Variants in IKZF1 observed in about 807,000 individuals in gnomAD.
IKZF1 encodes the protein IKAROS family zinc finger 1.
IKZF1 carries 10 observed loss-of-function variants against 51.7 expected under a neutral mutation model. The ratio of observed to expected loss-of-function variants is 0.19; its 90% CI spans 0.12 to 0.33. The LOEUF (loss-of-function observed/expected upper bound fraction) is 0.33, where lower values mean the gene tolerates loss of function less well. Ranked by LOEUF, IKZF1 falls within the 10% of genes least tolerant of loss-of-function variation. The probability of loss-of-function intolerance (pLI) is 1.00; values close to 1 mark genes in which losing one functional copy is unlikely to be tolerated. For missense variants in IKZF1, 484 were observed against 707.5 expected (o/e 0.68, Z 3.58); for synonymous variants, 280 against 282.3 (o/e 0.99, Z 0.08).
At chr7:50,358,287 C>G (rs1804112804) in intron 3 of IKZF1, among the ~76,000 whole-genome samples, 2 of 152,186 alleles carry the variant, frequency 1.3e-5, no homozygotes, top group African/African-American at 4.8e-5. Context: ...TCCTAAGAAA[C>G]AGCTGATATC....
intron 7 of IKZF1, among the ~76,000 whole-genome samples, chr7:50,392,464 A>C (rs901082303): frequency 6.6e-6 from 1 of 152,116 alleles, no homozygotes; most frequent in Non-Finnish European, 1.5e-5. Flanking sequence ...AGACACACCA[A>C]CACCACCATC....
chr7:50,327,799 A>G (rs1217744396), intron 3 of IKZF1, 42 bp downstream of exon 3: 2 of 1,539,852 alleles, frequency 1.3e-6, no homozygotes, highest in East Asian at 4.8e-5. Context: ...TGAAACCTTT[A>G]TCTCTTTGTA....
intron 6 of IKZF1, 44 bp downstream of exon 6, chr7:50,387,514 C>A (rs889357774): frequency 2.5e-6 from 4 of 1,570,046 alleles, no homozygotes; most frequent in South Asian, 1.2e-5. Context: ...GCTCTCCCCC[C>A]AGCACGGTGG....
At chr7:50,346,489 C>T (rs1800395618) in intron 3 of IKZF1, among the ~76,000 whole-genome samples, 1 of 152,226 alleles carries the variant, frequency 6.6e-6, no homozygotes, top group Non-Finnish European at 1.5e-5. Flanking sequence ...AGCCCGTTCT[C>T]CTGGCTAAAG....
Position 50,400,636 on chromosome 7 carries a change from C to T in IKZF1, c.*9C>T, listed in dbSNP as rs72645704. ...GCTTCCACATGAGCTAAAGCCCTCCCGCGCCCCCACCCCAGACCCCGAGCC... is the reference window on the plus strand; with the variant it reads ...GCTTCCACATGAGCTAAAGCCCTCCTGCGCCCCCACCCCAGACCCCGAGCC... On this transcript the variant is annotated 3_prime_UTR_variant, in exon 8 of 8. Transcript: ENST00000331340. This position sits in a 1 kb window ranked among gnomAD's most constrained non-coding sequence, Gnocchi z 5.4. 78,738 of 1,600,194 alleles carry T rather than the reference C, an allele frequency of 0.049. 2,305 individuals carry two copies. Among genetic ancestry groups the T allele is most frequent in the East Asian group, 0.15 (6,570 of 44,594 alleles).
chr7:50,359,598 T>C (rs927287559), intron 3 of IKZF1, among the ~76,000 whole-genome samples: 6 of 152,252 alleles, frequency 3.9e-5, no homozygotes, highest in African/African-American at 1.4e-4. Context: ...TTTTTAAATA[T>C]ATGTGTAGAA....
intron 3 of IKZF1, among the ~76,000 whole-genome samples, chr7:50,355,619 G>GAATAAATAAATAAATAAATA (rs57903869): frequency 1.0e-4 from 15 of 147,404 alleles, no homozygotes; most frequent in South Asian, 2.1e-4. Flanking sequence ...GTTAGCTTGC[G>GAATAAATAAATAAATAAATA]AATAAATAAA....
chr7:50,397,050 A>C (rs188486578), intron 7 of IKZF1, among the ~76,000 whole-genome samples: 2 of 152,324 alleles, frequency 1.3e-5, no homozygotes, highest in East Asian at 3.9e-4. Flanking sequence ...AAAGATACCT[A>C]TCTGAATCAT....
chr7:50,329,156 T>C (rs138441177), intron 3 of IKZF1, among the ~76,000 whole-genome samples: 14,863 of 151,118 alleles, frequency 0.098, 750 homozygotes, highest in Admixed American at 0.11. Context: ...GGACTAGGTA[T>C]AATGGTTCTT....
At chr7:50,353,487 C>G (rs1293131574) in intron 3 of IKZF1, among the ~76,000 whole-genome samples, 1 of 152,214 alleles carries the variant, frequency 6.6e-6, no homozygotes, top group Non-Finnish European at 1.5e-5. Flanking sequence ...TTGCCCTCCT[C>G]CCTCTATCCT....
intron 3 of IKZF1, among the ~76,000 whole-genome samples, chr7:50,341,932 G>A (rs1799164567): frequency 6.6e-6 from 1 of 151,496 alleles, no homozygotes; most frequent in South Asian, 2.1e-4. Flanking sequence ...GGACAGGCAG[G>A]CAGATCTTGA....
In IKZF1 at chr7:50,382,706, C is replaced by G. The variant is rs372403425; in HGVS notation, c.588C>G (p.Ser196=). The G allele has an allele frequency of 6.2e-7, 1 of 1,605,382 alleles. No individual in the cohort carries two copies. Among genetic ancestry groups the G allele is most frequent in the Non-Finnish European group, 8.5e-7 (1 of 1,179,084 alleles). ...DALTGHLRTH[S]VGKPHKCGYC... is the part of the protein sequence containing the mutation. ...TCACTGGCCACCTGAGGACGCACTC[C>G]GGTAGGTCCCCTGGATGCAGTCCGG... Residue 196 remains serine, a splice_region_variant and synonymous_variant, in exon 5 of 8, where the codon TCC becomes TCG. Coordinates refer to ENST00000331340, the MANE Select transcript of IKZF1 (RefSeq NM_006060.6).
chr7:50,323,027 G>GAT (rs2153372540), intron 2 of IKZF1, among the ~76,000 whole-genome samples: 1 of 152,242 alleles, frequency 6.6e-6, no homozygotes, highest in South Asian at 2.1e-4. Context: ...GAAACCTTTA[G>GAT]ATATATATAA....
At chr7:50,375,442 C>G (rs377607679) in intron 3 of IKZF1, among the ~76,000 whole-genome samples, 5 of 152,268 alleles carry the variant, frequency 3.3e-5, no homozygotes, top group African/African-American at 1.2e-4. Context: ...AATTTACCTA[C>G]TTACTCTTAT....
intron 7 of IKZF1, among the ~76,000 whole-genome samples, chr7:50,396,274 T>C (rs1816683669): frequency 6.6e-6 from 1 of 152,300 alleles, no homozygotes; most frequent in Admixed American, 6.5e-5. Context: ...TTACATTTAC[T>C]CACTGTTCTC....
chr7:50,314,199 C>T (rs1238910902), intron 1 of IKZF1, among the ~76,000 whole-genome samples: 1 of 152,184 alleles, frequency 6.6e-6, no homozygotes, highest in African/African-American at 2.4e-5. Context: ...CAAGCTCCAC[C>T]TTCCGGGTTC....
intron 2 of IKZF1, among the ~76,000 whole-genome samples, chr7:50,320,480 A>AT (rs1792903796): frequency 6.6e-6 from 1 of 152,198 alleles, no homozygotes; most frequent in South Asian, 2.1e-4. Flanking sequence ...ACTATATATT[A>AT]TTGTTGACTA....
chr7:50,318,361 G>A (rs1422564417), intron 1 of IKZF1: 2 of 228,378 alleles, frequency 8.8e-6, no homozygotes, highest in African/African-American at 4.5e-5. Context: ...AAACAGGAAG[G>A]CTCGGGCTGT....
chr7:50,336,531 C>A (rs911372756), intron 3 of IKZF1, among the ~76,000 whole-genome samples: 1 of 152,152 alleles, frequency 6.6e-6, no homozygotes, highest in Non-Finnish European at 1.5e-5. Context: ...CTTCAGGGGG[C>A]CTGTCAGATA....
Sources: gnomAD v4.1 joint callset for allele counts (sites outside exome capture counted in the v4.1 genomes callset) on GRCh38, gnomAD v4.1.1 for gene constraint, Gnocchi (gnomAD v3.1) non-coding constraint, MANE v1.5 for transcripts, NCBI Gene and HGNC (gene_info 2026-07-23, HGNC 2026-07-21) for gene names.